Variants in SCHIP1 observed in about 807,000 individuals in gnomAD.
SCHIP1 encodes the protein schwannomin-interacting protein 1.
A neutral mutation model predicts 29.7 loss-of-function variants in SCHIP1; 8 were observed. The observed-to-expected ratio is 0.27, with a 90% CI of 0.16 to 0.49. The LOEUF is 0.49. SCHIP1 is among the 20% of genes least tolerant of loss of function. The probability of loss-of-function intolerance (pLI) is 0.99; values close to 1 mark genes in which losing one functional copy is unlikely to be tolerated. For synonymous variants in SCHIP1, 76 were observed against 94.9 expected, an observed-to-expected ratio of 0.80 and a Z score of 1.16; for missense variants, 193 against 294.6, an observed-to-expected ratio of 0.66 and a Z score of 2.52.
the SCHIP1 span, among the ~76,000 whole-genome samples, chr3:159,516,977 TA>T: frequency 2.6e-5 from 4 of 152,230 alleles, no homozygotes; most frequent in Non-Finnish European, 4.4e-5. Context: ...TATTTTTGTT[TA>T]TTTTTTTTAC....
At chr3:159,718,215 A>G in the SCHIP1 span, among the ~76,000 whole-genome samples, 2 of 152,236 alleles carry the variant, frequency 1.3e-5, no homozygotes, top group Non-Finnish European at 2.9e-5. Flanking sequence ...TAAATTAGGT[A>G]TTGATGGGAT....
At chr3:159,585,987 T>G in the SCHIP1 span, among the ~76,000 whole-genome samples, 1 of 152,132 alleles carries the variant, frequency 6.6e-6, no homozygotes, top group Non-Finnish European at 1.5e-5. Context: ...GATGGATGGA[T>G]GGAGAAGAAT....
intron 2 of SCHIP1, among the ~76,000 whole-genome samples, chr3:159,878,351 G>A (rs1051561252): frequency 7.9e-5 from 12 of 152,030 alleles, no homozygotes; most frequent in Non-Finnish European, 1.6e-4. Flanking sequence ...GTATGGTGGC[G>A]GGTGCTTGTA....
At chr3:159,783,675 G>A in the SCHIP1 span, among the ~76,000 whole-genome samples, 100,587 of 152,078 alleles carry the variant, frequency 0.66, 33,766 homozygotes, top group East Asian at 0.99. Flanking sequence ...AGGGAAGTAC[G>A]TGGGAAGAAG....
At chr3:159,551,151 G>C in the SCHIP1 span, among the ~76,000 whole-genome samples, 5 of 152,134 alleles carry the variant, frequency 3.3e-5, 1 homozygote, top group South Asian at 1.0e-3. Flanking sequence ...CTAAAGCTTT[G>C]ATCTATTTCT....
the SCHIP1 span, among the ~76,000 whole-genome samples, chr3:159,565,426 T>C: frequency 6.6e-6 from 1 of 152,242 alleles, no homozygotes; most frequent in Non-Finnish European, 1.5e-5. Flanking sequence ...TATGAACACC[T>C]GACTCTGGAC....
At chr3:159,758,156 C>G in the SCHIP1 span, among the ~76,000 whole-genome samples, 1 of 151,966 alleles carries the variant, frequency 6.6e-6, no homozygotes, top group Admixed American at 6.5e-5. Context: ...TACAGACTTA[C>G]ATTTTTTTTT....
the SCHIP1 span, among the ~76,000 whole-genome samples, chr3:159,408,064 C>T: frequency 1.2e-4 from 19 of 152,020 alleles, no homozygotes; most frequent in African/African-American, 2.2e-4. Flanking sequence ...TTTGGGAAGC[C>T]GAGGCAGGCG....
At chr3:159,680,688 T>C in the SCHIP1 span, among the ~76,000 whole-genome samples, 4 of 60,826 alleles carry the variant, frequency 6.6e-5, 1 homozygote, top group East Asian at 1.7e-3. Context: ...ATAATATATG[T>C]ATATATATAA....
At chr3:159,409,722 C>A in the SCHIP1 span, among the ~76,000 whole-genome samples, 1 of 152,108 alleles carries the variant, frequency 6.6e-6, no homozygotes, top group African/African-American at 2.4e-5. Flanking sequence ...AAGCAATTTA[C>A]AGATTCAGTG....
At chr3:159,743,771 C>T in the SCHIP1 span, among the ~76,000 whole-genome samples, 280 of 152,092 alleles carry the variant, frequency 1.8e-3, 2 homozygotes, top group African/African-American at 6.1e-3. Flanking sequence ...ATGTCAGTAC[C>T]CTGGTTTGAT....
At chr3:159,505,362 C>A in the SCHIP1 span, among the ~76,000 whole-genome samples, 1 of 152,078 alleles carries the variant, frequency 6.6e-6, no homozygotes, top group East Asian at 1.9e-4. Flanking sequence ...AAAATTTATA[C>A]AGAAAGGAAA....
the SCHIP1 span, among the ~76,000 whole-genome samples, chr3:159,540,483 G>T: frequency 4.6e-5 from 7 of 152,140 alleles, no homozygotes; most frequent in East Asian, 1.4e-3. Context: ...TCTTTGTCCC[G>T]AGGGGAGCAA....
chr3:159,888,888 C>A, exon 5 of SCHIP1: 1 of 1,614,138 alleles, frequency 6.2e-7, no homozygotes, highest in African/African-American at 1.3e-5. Flanking sequence ...ACCTGAGAGA[C>A]ATGACTATTG....
the SCHIP1 span, among the ~76,000 whole-genome samples, chr3:159,731,771 T>C: frequency 1.3e-5 from 2 of 152,338 alleles, no homozygotes; most frequent in East Asian, 3.9e-4. Flanking sequence ...ACTTCACAGT[T>C]GCCAGAAACC....
the SCHIP1 span, among the ~76,000 whole-genome samples, chr3:159,287,068 T>A: frequency 6.6e-6 from 1 of 152,146 alleles, no homozygotes; most frequent in African/African-American, 2.4e-5. Context: ...AGCTCTTTAG[T>A]TTAGTTAGGT....
the SCHIP1 span, among the ~76,000 whole-genome samples, chr3:159,822,740 A>C: frequency 5.3e-5 from 8 of 151,366 alleles, no homozygotes; most frequent in Admixed American, 2.0e-4. Context: ...GACATGAGGC[A>C]GAGTAATCTG....
At chr3:159,622,557 G>A in the SCHIP1 span, among the ~76,000 whole-genome samples, 1 of 152,086 alleles carries the variant, frequency 6.6e-6, no homozygotes, top group Non-Finnish European at 1.5e-5. Context: ...ACAAGTGAAT[G>A]CTCAAAAATA....
At chr3:159,533,337 A>C in the SCHIP1 span, among the ~76,000 whole-genome samples, 1 of 152,168 alleles carries the variant, frequency 6.6e-6, no homozygotes, top group Non-Finnish European at 1.5e-5. Flanking sequence ...TAGCCAGAAC[A>C]CATAGGTGAA....
Sources: gnomAD v4.1 joint callset for allele counts (sites outside exome capture counted in the v4.1 genomes callset) on GRCh38, gnomAD v4.1.1 for gene constraint, MANE v1.5 for transcripts, NCBI Gene and HGNC (gene_info 2026-07-23, HGNC 2026-07-21) for gene names.